The following MCTP2 variants were observed in gnomAD, a reference collection of about 807,000 sequenced individuals.
MCTP2 encodes the protein multiple C2 and transmembrane domain-containing protein 2.
Under a neutral mutation model 111.6 loss-of-function variants are expected in MCTP2, and 132 were observed. The ratio of observed to expected loss-of-function variants is 1.18; its 90% CI spans 1.03 to 1.37. The LOEUF (loss-of-function observed/expected upper bound fraction) is 1.37. Ranked by LOEUF, MCTP2 falls within the 40% of genes most tolerant of loss-of-function variation. The pLI, the probability that MCTP2 is intolerant of heterozygous loss-of-function variation, is 0.00. For synonymous variants in MCTP2, 395 were observed against 387.7 expected (o/e 1.02, Z -0.22); for missense variants, 1,183 against 1,067.9 (o/e 1.11, Z -1.50).
At chr15:94,375,896 A>G (rs1234523722) in intron 12 of MCTP2, among the ~76,000 whole-genome samples, 1 of 152,180 alleles carries the variant, frequency 6.6e-6, no homozygotes, top group Non-Finnish European at 1.5e-5. Flanking sequence ...AGAGAACCCA[A>G]TATAGCTTCC....
chr15:94,239,505 C>T (rs1481699992), intron 1 of MCTP2, among the ~76,000 whole-genome samples: 1 of 152,208 alleles, frequency 6.6e-6, no homozygotes, highest in Admixed American at 6.5e-5. Flanking sequence ...GGAACAGGCC[C>T]AGTAAATAAT....
chr15:94,294,968 T>G, intron 1 of MCTP2, among the ~76,000 whole-genome samples: 1 of 92,198 alleles, frequency 1.1e-5, no homozygotes, highest in African/African-American at 4.1e-5. Flanking sequence ...TTTTTTTTTT[T>G]TGAGACAGTC....
intron 4 of MCTP2, among the ~76,000 whole-genome samples, chr15:94,330,190 C>G (rs2077067503): frequency 6.6e-6 from 1 of 152,162 alleles, no homozygotes; most frequent in South Asian, 2.1e-4. Context: ...TAAAGCATGT[C>G]TATCTCCTTT....
chr15:94,393,966 C>G (rs147210056), intron 14 of MCTP2, among the ~76,000 whole-genome samples: 1 of 141,866 alleles, frequency 7.0e-6, no homozygotes, highest in African/African-American at 2.7e-5. Context: ...AGGACAATCA[C>G]TTGAACTCAG....
intron 2 of MCTP2, among the ~76,000 whole-genome samples, chr15:94,310,877 G>A (rs1044864449): frequency 6.6e-6 from 1 of 151,826 alleles, no homozygotes; most frequent in African/African-American, 2.4e-5. Flanking sequence ...AGGAGGTCGA[G>A]GCTGCAGTGA....
intron 1 of MCTP2, among the ~76,000 whole-genome samples, chr15:94,281,681 T>C (rs977217577): frequency 6.6e-6 from 1 of 152,156 alleles, no homozygotes; most frequent in African/African-American, 2.4e-5. Context: ...GTATATTTTT[T>C]TGATGGCCAG....
chr15:94,265,212 T>A (rs879462845), intron 1 of MCTP2, among the ~76,000 whole-genome samples: 1 of 152,216 alleles, frequency 6.6e-6, no homozygotes. Flanking sequence ...GCCAGGACAC[T>A]TGACTCTACA....
chr15:94,361,735 G>T (rs898085363), intron 10 of MCTP2, among the ~76,000 whole-genome samples: 2 of 152,044 alleles, frequency 1.3e-5, no homozygotes, highest in African/African-American at 4.8e-5. Context: ...GATATTTTTT[G>T]GTAAAAGTGG....
At chr15:94,472,058 T>TTCTATGCA (rs1394501437) in intron 21 of MCTP2, among the ~76,000 whole-genome samples, 2 of 152,212 alleles carry the variant, frequency 1.3e-5, no homozygotes, top group Non-Finnish European at 2.9e-5. Flanking sequence ...CTTGGTCTGT[T>TTCTATGCA]TCTATGCATC....
chr15:94,399,200 G>A, intron 15 of MCTP2, 138 bp downstream of exon 15: 1 of 577,820 alleles, frequency 1.7e-6, no homozygotes, highest in Admixed American at 3.1e-5. Context: ...TTTTAAAGCT[G>A]TGCATTTTAT....
At chr15:94,360,813 G>C (rs1192722001) in intron 10 of MCTP2, among the ~76,000 whole-genome samples, 5 of 150,438 alleles carry the variant, frequency 3.3e-5, no homozygotes, top group African/African-American at 1.2e-4. Flanking sequence ...TACCTGTCTT[G>C]GTGGTCATTC....
chr15:94,243,785 A>C (rs971805925), intron 1 of MCTP2, among the ~76,000 whole-genome samples: 8 of 148,152 alleles, frequency 5.4e-5, no homozygotes, highest in African/African-American at 1.7e-4. Flanking sequence ...GAACATATAT[A>C]TGTATATACA....
chr15:94,286,697 T>C (rs1172783358), intron 1 of MCTP2, among the ~76,000 whole-genome samples: 1 of 152,198 alleles, frequency 6.6e-6, no homozygotes, highest in African/African-American at 2.4e-5. Context: ...TGGGGGCTGG[T>C]ATTAAAAAGG....
At chr15:94,314,260 T>G in intron 2 of MCTP2, 22 bp from the exon 3 acceptor site, 1 of 1,590,018 alleles carries the variant, frequency 6.3e-7, no homozygotes, top group Non-Finnish European at 8.6e-7. Context: ...TAAAGCAGAT[T>G]TTTTTTTCTT....
chr15:94,324,528 T>G (rs1442305814), intron 4 of MCTP2, among the ~76,000 whole-genome samples: 1 of 152,208 alleles, frequency 6.6e-6, no homozygotes, highest in Non-Finnish European at 1.5e-5. Context: ...TCTTTTTTGA[T>G]GCGAGTTTTA....
At chr15:94,258,412 A>C (rs1474749496) in intron 1 of MCTP2, among the ~76,000 whole-genome samples, 1 of 152,160 alleles carries the variant, frequency 6.6e-6, no homozygotes, top group Non-Finnish European at 1.5e-5. Context: ...CTGGGTCCAC[A>C]AAAAAGCATC....
rs1161520000 is a variant in MCTP2 at position 94,384,033 on chromosome 15, C to T, written c.1594C>T (p.Pro532Ser). 6.2e-7 allele frequency: 1 copy of T among 1,612,666 alleles called. No individual in the cohort carries two copies. The highest frequency in any genetic ancestry group is 8.5e-7 in the Non-Finnish European group (1 of 1,178,988). The stretch of plus-strand genomic sequence containing the variant: ...TGTTATCTTTCCAGGGAAGAGTGAC[C>T]CATTTTGCTTGTTGGAGTTAGGCAA... The part of the protein sequence containing the change: ...LAADFSGKSD[P>S]FCLLELGNDR... The change falls in exon 13 of 23, where the codon CCA becomes TCA. Residue 532 changes from proline to serine, a missense_variant. Physicochemically the swap from Pro to Ser is moderately conservative, Grantham distance 74 (BLOSUM62 -1). Transcript: ENST00000357742.
intron 2 of MCTP2, among the ~76,000 whole-genome samples, chr15:94,312,683 C>T (rs1429527195): frequency 2.6e-5 from 4 of 152,166 alleles, no homozygotes; most frequent in African/African-American, 4.8e-5. Context: ...CCGCAGATTA[C>T]AAGAACCTTA....
intron 17 of MCTP2, among the ~76,000 whole-genome samples, chr15:94,421,929 T>G (rs1189131744): frequency 2.7e-4 from 41 of 152,210 alleles, no homozygotes; most frequent in Admixed American, 2.7e-3. Context: ...TTCATGTGGC[T>G]TCCTGAAGGA....
Sources: allele counts gnomAD v4.1 joint callset (sites outside exome capture counted in the v4.1 genomes callset), GRCh38; gene constraint gnomAD v4.1.1; transcripts MANE v1.5; gene names NCBI Gene and HGNC (gene_info 2026-07-23, HGNC 2026-07-21).